MYT1L: variants seen among roughly 807,000 people sequenced by gnomAD.
MYT1L encodes myelin transcription factor 1 like, also known as myelin transcription factor 1-like protein.
Under a neutral mutation model 126.7 loss-of-function variants are expected in MYT1L, and 12 were observed. The ratio of observed to expected loss-of-function variants is 0.09; its 90% confidence interval spans 0.06 to 0.15. The LOEUF (loss-of-function observed/expected upper bound fraction) is 0.15. MYT1L is among the 10% of genes least tolerant of loss of function. MYT1L has a pLI of 1.00. For synonymous variants in MYT1L, 541 were observed against 604.2 expected (o/e 0.90, Z 1.53); for missense variants, 979 against 1,585.2 (o/e 0.62, Z 6.49).
intron 3 of MYT1L, among the ~76,000 whole-genome samples, chr2:2,165,971 A>AAAAATAAAATCTTTTATTTTTCTAC (rs1422565174): frequency 3.3e-5 from 5 of 151,510 alleles, no homozygotes; most frequent in Non-Finnish European, 5.9e-5. Context: ...TACTTTGTAA[A>AAAAATAAAATCTTTTATTTTTCTAC]GTTTTAAAGT....
rs369410775 is a variant in MYT1L at position 2,056,002 on chromosome 2, T to C, written c.-303-1879A>G. Among the ~76,000 whole-genome samples, 26 of 152,346 alleles carry C rather than the reference T, an allele frequency of 1.7e-4. No homozygotes were observed. The South Asian group carries it at 3.1e-3, about 18-fold the overall frequency. ...TGGGAGCAGCCGCAGTCCCAGTGCC[T>C]CAACGGCAGATATGACTGATCATTG... is the stretch of plus-strand genomic sequence containing the variant. On this transcript the variant is annotated intron_variant, in intron 3 of 24. Transcript: ENST00000647738.
chr2:1,958,063 T>C lies in MYT1L; in HGVS notation c.153-14729A>G, dbSNP rs114382212. Among the ~76,000 whole-genome samples the C allele has an allele frequency of 5.4e-3, 828 of 152,282 alleles. 4 individuals carry two copies. Among genetic ancestry groups the C allele is most frequent in the African/African-American group, 0.018 (767 of 41,540 alleles). ...GAAAATGCATGCGTTTTTGCTGGAGTGTCTTCAAATGCAGCCATGCCTGGT... is the reference window on the plus strand; with the variant it reads ...GAAAATGCATGCGTTTTTGCTGGAGCGTCTTCAAATGCAGCCATGCCTGGT... On this transcript the variant is annotated intron_variant, in intron 8 of 24. Transcript: ENST00000647738.
intron 21 of MYT1L, chr2:1,809,944 G>A (rs2036320609): frequency 3.3e-5 from 5 of 152,098 alleles, no homozygotes; most frequent in Admixed American, 3.3e-4. Flanking sequence ...TGTCCTGTGT[G>A]CGGAGCGCCT....
intron 3 of MYT1L, among the ~76,000 whole-genome samples, chr2:2,103,269 G>A (rs1474419020): frequency 6.6e-6 from 1 of 152,124 alleles, no homozygotes. Context: ...AATCATCCTT[G>A]GTCACATAAA....
Position 2,207,659 on chromosome 2 carries a change from C to T in MYT1L, c.-420-34671G>A, listed in dbSNP as rs141690250. On this transcript the variant is annotated intron_variant, in intron 2 of 24. Transcript: ENST00000647738. ...TAACTGTTGACAATTATTCTAGAGGCCCTACAGTGAGACAAGTTTTGCATC... is the reference window on the plus strand; with the variant it reads ...TAACTGTTGACAATTATTCTAGAGGTCCTACAGTGAGACAAGTTTTGCATC... Among the ~76,000 whole-genome samples the T allele has an allele frequency of 3.7e-3, 557 of 152,246 alleles. 3 individuals are homozygous for T. Among genetic ancestry groups the T allele is most frequent in the African/African-American group, 0.013 (531 of 41,522 alleles).
At chr2:1,971,117 C>A (rs1485968154) in intron 8 of MYT1L, among the ~76,000 whole-genome samples, 1 of 152,136 alleles carries the variant, frequency 6.6e-6, no homozygotes, top group Non-Finnish European at 1.5e-5. Context: ...GAGTTCTAGG[C>A]TGCAGTGAGC....
chr2:1,925,681 G>A (rs935924944), intron 9 of MYT1L, among the ~76,000 whole-genome samples: 8 of 152,080 alleles, frequency 5.3e-5, no homozygotes, highest in Non-Finnish European at 8.8e-5. Context: ...GGCAGAACGC[G>A]GACCACCTCC....
At chr2:1,897,604 A>T (rs550541870) in intron 14 of MYT1L, among the ~76,000 whole-genome samples, 1 of 152,236 alleles carries the variant, frequency 6.6e-6, no homozygotes, top group South Asian at 2.1e-4. Context: ...CTGGGATTAC[A>T]GGCGCCCACG....
chr2:1,961,322 T>A (rs1226769846), intron 8 of MYT1L, among the ~76,000 whole-genome samples: 1 of 151,682 alleles, frequency 6.6e-6, no homozygotes, highest in Non-Finnish European at 1.5e-5. Flanking sequence ...TAAACAAAAA[T>A]AAAAATTTAA....
intron 4 of MYT1L, among the ~76,000 whole-genome samples, chr2:2,045,259 A>G (rs1433329321): frequency 6.6e-6 from 1 of 152,258 alleles, no homozygotes; most frequent in South Asian, 2.1e-4. Flanking sequence ...AGCCTCATCC[A>G]TCACTGTGCA....
At chr2:1,869,146 CT>C (rs2045961448) in intron 18 of MYT1L, among the ~76,000 whole-genome samples, 1 of 152,240 alleles carries the variant, frequency 6.6e-6, no homozygotes, top group African/African-American at 2.4e-5. Context: ...CACGTGTTAG[CT>C]GCAATCCTCT....
Position 2,295,569 on chromosome 2 carries a change from G to GAGAGAGAGAGAGACAGACAGAC in MYT1L, c.-520-11067_-520-11066insGTCTGTCTGTCTCTCTCTCTCT, listed in dbSNP as rs2095662272. Reference sequence around the variant, plus strand: ...AGAGAGAGAGAGACAGACAGACAGAGAGAGAGAGAGAGAGACAGACAGACA... The same window carrying GAGAGAGAGAGAGACAGACAGAC: ...AGAGAGAGAGAGACAGACAGACAGAGAGAGAGAGAGAGACAGACAGACAGAGAGAGAGAGAGACAGACAGACA... On this transcript the variant is annotated intron_variant, in intron 1 of 24. Transcript: ENST00000647738. Among the ~76,000 whole-genome samples, 2 of 138,886 alleles carry GAGAGAGAGAGAGACAGACAGAC rather than the reference G, an allele frequency of 1.4e-5. 1 individual carries two copies. The highest frequency in any genetic ancestry group is 5.5e-5 in the African/African-American group (2 of 36,598). The allele number at this position is 138,886 out of a possible 152,430, so 91.1% of individuals were successfully genotyped here.
At chr2:2,060,180 C>G (rs2070206447) in intron 3 of MYT1L, among the ~76,000 whole-genome samples, 1 of 152,244 alleles carries the variant, frequency 6.6e-6, no homozygotes, top group Non-Finnish European at 1.5e-5. Flanking sequence ...GTGACACTCC[C>G]TGCTCTTCAG....
intron 1 of MYT1L, among the ~76,000 whole-genome samples, chr2:2,305,414 C>T (rs1036875710): frequency 5.3e-5 from 8 of 152,136 alleles, no homozygotes; most frequent in African/African-American, 1.9e-4. Context: ...TCTCTTTTCC[C>T]TAAAAAAGTT....
chr2:2,114,862 C>G (rs1046681114), intron 3 of MYT1L, among the ~76,000 whole-genome samples: 21 of 152,174 alleles, frequency 1.4e-4, no homozygotes, highest in African/African-American at 5.1e-4. Flanking sequence ...GTGCATAAAT[C>G]ACAGTGATTT....
chr2:1,926,184 G>A (rs2054209121), intron 9 of MYT1L, among the ~76,000 whole-genome samples: 1 of 152,116 alleles, frequency 6.6e-6, no homozygotes, highest in Non-Finnish European at 1.5e-5. Context: ...GCAGGTGAAT[G>A]GAATTTCTCA....
rs1316416056 is a variant in MYT1L at position 1,840,896 on chromosome 2, C to CTTTTTTTTTTTTTT, written c.2775-54_2775-53insAAAAAAAAAAAAAA. 2.1e-5 allele frequency: 20 copies of CTTTTTTTTTTTTTT among 962,516 alleles called. No individual in the cohort carries two copies. The African/African-American group carries it at 4.1e-4, about 20-fold the overall frequency. The allele number at this position is 962,516 out of a possible 1,614,324, so 59.6% of individuals were successfully genotyped here. On this transcript the variant is annotated intron_variant, in intron 19 of 24. Transcript: ENST00000647738. ...ACCCCACACCGTTGATTTCAGTGAGCTTTCTTTCTTTTTTTTTTTTTTTTT... is the reference window on the plus strand; with the variant it reads ...ACCCCACACCGTTGATTTCAGTGAGCTTTTTTTTTTTTTTTTTCTTTCTTTTTTTTTTTTTTTTT...
intron 23 of MYT1L, among the ~76,000 whole-genome samples, chr2:1,800,831 A>C (rs905361408): frequency 6.6e-6 from 1 of 151,754 alleles, no homozygotes; most frequent in East Asian, 2.0e-4. Flanking sequence ...AGCAACCTTC[A>C]TGGAGGCTGG....
intron 2 of MYT1L, among the ~76,000 whole-genome samples, chr2:2,194,699 C>G (rs1484374902): frequency 2.0e-5 from 3 of 152,168 alleles, no homozygotes; most frequent in Admixed American, 6.5e-5. Context: ...ACCTTCCCCC[C>G]TCATCAGATC....
Sources: gnomAD v4.1 joint callset for allele counts (sites outside exome capture counted in the v4.1 genomes callset) on GRCh38, gnomAD v4.1.1 for gene constraint, MANE v1.5 for transcripts, NCBI Gene and HGNC (gene_info 2026-07-23, HGNC 2026-07-21) for gene names.